The following RRAGB variants were observed in gnomAD, a reference collection of about 807,000 sequenced individuals.
RRAGB encodes the protein ras-related GTP-binding protein B.
RRAGB carries 6 observed loss-of-function variants against 29.3 expected under a neutral mutation model. The observed-to-expected ratio is 0.21, with a 90% CI of 0.11 to 0.40. The LOEUF is 0.40. RRAGB is among the 10% of genes least tolerant of loss of function. The pLI is 1.00. For synonymous variants in RRAGB, 101 were observed against 92.5 expected (o/e 1.09, Z -0.53); for missense variants, 184 against 272.9 (o/e 0.67, Z 2.29).
intron 5 of RRAGB, among the ~76,000 whole-genome samples, chrX:55,746,162 T>A (rs2034237993): frequency 9.0e-6 from 1 of 111,404 alleles, no homozygotes; most frequent in African/African-American, 3.3e-5. Flanking sequence ...TGTAAACTGG[T>A]ACAAGTCTGG....
intron 5 of RRAGB, among the ~76,000 whole-genome samples, chrX:55,733,938 T>A (rs1419298322): frequency 9.0e-6 from 1 of 110,539 alleles, no homozygotes; most frequent in South Asian, 3.9e-4. Flanking sequence ...GGGGTTTTTT[T>A]TTTTGGTTGG....
chrX:55,734,214 C>T (rs1011070690), intron 5 of RRAGB, among the ~76,000 whole-genome samples: 13 of 109,137 alleles, frequency 1.2e-4, no homozygotes, highest in African/African-American at 2.0e-4. Flanking sequence ...CCGCCTGCCT[C>T]GGCCTCCCAA....
intron 5 of RRAGB, among the ~76,000 whole-genome samples, chrX:55,740,205 C>A (rs1216958462): frequency 2.7e-5 from 3 of 110,812 alleles, no homozygotes; most frequent in African/African-American, 9.8e-5. Flanking sequence ...CGCCTGTAGT[C>A]CCAGCTACTC....
chrX:55,726,157 A>G (rs1030922345), intron 3 of RRAGB, among the ~76,000 whole-genome samples: 5 of 110,956 alleles, frequency 4.5e-5, no homozygotes, highest in African/African-American at 1.6e-4. Context: ...ATGTTAAAAA[A>G]AAAAAGAAAA....
At chrX:55,750,925 T>G (rs1381457341) in intron 5 of RRAGB, among the ~76,000 whole-genome samples, 176 bp from the exon 6 acceptor site, 1 of 112,014 alleles carries the variant, frequency 8.9e-6, no homozygotes, top group Non-Finnish European at 1.9e-5. Context: ...ACTATTGTGC[T>G]TTTAGACCTG....
In RRAGB at chrX:55,718,341, A is replaced by T; in HGVS notation, c.14A>T (p.Asp5Val). Residue 5 changes from aspartate (D) to valine (V), a missense_variant, in exon 1 of 10, where the codon GAC becomes GTC. Transcript: ENST00000374941. MEESDSEKTTEKENL... is the reference protein window; with the variant it reads MEESVSEKTTEKENL... ...ACTTGTTGCGCAATGGAAGAATCTG[A>T]CTCTGAGAAAACGACGGAGAAAGAA... 1 of 1,204,337 alleles carries T rather than the reference A, an allele frequency of 8.3e-7. No homozygotes were observed. Among genetic ancestry groups the T allele is most frequent in the Non-Finnish European group, 1.1e-6 (1 of 890,979 alleles).
chrX:55,752,531 C>T (rs1478966428), intron 6 of RRAGB, among the ~76,000 whole-genome samples: 1 of 112,037 alleles, frequency 8.9e-6, no homozygotes, highest in African/African-American at 3.2e-5. Context: ...ATAGAGCTAA[C>T]TTAAATTTTT....
intron 7 of RRAGB, among the ~76,000 whole-genome samples, chrX:55,753,976 C>T (rs1008363978): frequency 5.4e-5 from 6 of 111,448 alleles, no homozygotes; most frequent in Non-Finnish European, 1.1e-4. Flanking sequence ...ACTCGGGAGG[C>T]GGAGGTTGGG....
chrX:55,732,194 C>T (rs1183816113), intron 5 of RRAGB, among the ~76,000 whole-genome samples: 1 of 111,549 alleles, frequency 9.0e-6, no homozygotes, highest in Non-Finnish European at 1.9e-5. Flanking sequence ...ATCCACAAAC[C>T]AAAATAGCCC....
intron 4 of RRAGB, among the ~76,000 whole-genome samples, chrX:55,729,615 C>T (rs1569238779): frequency 9.0e-6 from 1 of 111,422 alleles, no homozygotes; most frequent in Non-Finnish European, 1.9e-5. Flanking sequence ...AGATTATCCC[C>T]TTTCGTGGAG....
At position 55,742,040 on chromosome X, in the gene RRAGB, G is replaced by A. The variant is rs1013160117; in HGVS notation, c.517-9061G>A. Reference sequence around the variant, plus strand: ...AAATGCAATAATCATTTTCCCAGAAGAGGATGTAAAGTTATTGACTGTTTA... The same window carrying A: ...AAATGCAATAATCATTTTCCCAGAAAAGGATGTAAAGTTATTGACTGTTTA... On this transcript the variant is annotated intron_variant, in intron 5 of 9. Transcript: ENST00000374941. 2.7e-5 allele frequency among the ~76,000 whole-genome samples: 3 copies of A among 112,273 alleles called. No individual in the cohort carries two copies. The Admixed American group carries it at 2.8e-4, about 11-fold the overall frequency.
intron 3 of RRAGB, among the ~76,000 whole-genome samples, chrX:55,724,720 CA>C (rs1416238189): frequency 8.9e-6 from 1 of 111,769 alleles, no homozygotes; most frequent in Non-Finnish European, 1.9e-5. Flanking sequence ...GGTTATTGAA[CA>C]ACTGTTATTT....
rs1261909975 is a variant in RRAGB, at chrX:55,722,201, A to G, written c.142A>G (p.Lys48Glu). ...TTGTCCTTAGGTGCTGTTGATGGGT[A>G]AAAGTGGGTCTGGTAAGACCAGCAT... Reference protein sequence around the residue: ...AMKKKVLLMGKSGSGKTSMRS... With the variant: ...AMKKKVLLMGESGSGKTSMRS... Residue 48 changes from lysine (K) to glutamate (E), a missense_variant, in exon 3 of 10, where the codon AAA (lysine) becomes GAA (glutamate). Physicochemically the swap from Lys to Glu is moderately conservative, Grantham distance 56 (BLOSUM62 1). Transcript: ENST00000374941. 8.4e-7 allele frequency: 1 copy of G among 1,188,047 alleles called. No individual in the cohort carries two copies.
At chrX:55,741,140 A>G (rs2034055988) in intron 5 of RRAGB, among the ~76,000 whole-genome samples, 1 of 108,672 alleles carries the variant, frequency 9.2e-6, no homozygotes, top group Non-Finnish European at 1.9e-5. Context: ...TTTCTTTGGC[A>G]ACTTCTCATG....
At chrX:55,746,982 G>A (rs145595385) in intron 5 of RRAGB, among the ~76,000 whole-genome samples, 1 of 112,205 alleles carries the variant, frequency 8.9e-6, no homozygotes, top group African/African-American at 3.2e-5. Flanking sequence ...GAGAAATTAT[G>A]TAGTTCTTTG....
At chrX:55,747,835 C>CTCTCCCCACGG (rs1555967762) in intron 5 of RRAGB, among the ~76,000 whole-genome samples, 12 of 98,068 alleles carry the variant, frequency 1.2e-4, no homozygotes, top group African/African-American at 4.3e-4. Context: ...CTCCCTCTCC[C>CTCTCCCCACGG]TCTCCCTCTC....
chrX:55,744,387 C>CAAA (rs56294534), intron 5 of RRAGB, among the ~76,000 whole-genome samples: 2 of 35,757 alleles, frequency 5.6e-5, no homozygotes, highest in African/African-American at 1.7e-4. Flanking sequence ...CAGAGTGAGC[C>CAAA]AAAAAAAAAA....
At chrX:55,738,909 C>G (rs889703046) in intron 5 of RRAGB, among the ~76,000 whole-genome samples, 2 of 112,106 alleles carry the variant, frequency 1.8e-5, no homozygotes, top group African/African-American at 6.5e-5. Context: ...CTCTGGCTCC[C>G]CATGTGTAAG....
intron 9 of RRAGB, 52 bp downstream of exon 9, chrX:55,757,383 A>G (rs2034684214): frequency 4.2e-6 from 3 of 708,720 alleles, no homozygotes; most frequent in Non-Finnish European, 6.4e-6. Flanking sequence ...TCTTTAAACA[A>G]TTGTCCCAGA....
Sources: gnomAD v4.1 joint callset for allele counts (sites outside exome capture counted in the v4.1 genomes callset) on GRCh38, gnomAD v4.1.1 for gene constraint, MANE v1.5 for transcripts, NCBI Gene and HGNC (gene_info 2026-07-23, HGNC 2026-07-21) for gene names.